The following LUZP2 variants were observed in gnomAD, a reference collection of about 807,000 sequenced individuals.
LUZP2 encodes the protein leucine zipper protein 2.
A neutral mutation model predicts 51.6 loss-of-function variants in LUZP2; 52 were observed. That is an observed-to-expected ratio of 1.01 (90% CI 0.81 to 1.27). The LOEUF is 1.27. Among genes scored for constraint, LUZP2 ranks in the 50% most tolerant of loss-of-function variants. The probability of loss-of-function intolerance (pLI) is 0.00; values close to 1 mark genes in which losing one functional copy is unlikely to be tolerated. For missense variants in LUZP2, 436 were observed against 395.4 expected (o/e 1.10, Z -0.87); for synonymous variants, 154 against 137.3 (o/e 1.12, Z -0.85).
At chr11:24,696,537 A>ATT (rs1857251562) in intron 1 of LUZP2, among the ~76,000 whole-genome samples, 1 of 152,122 alleles carries the variant, frequency 6.6e-6, no homozygotes. Flanking sequence ...ATTTCTCATT[A>ATT]CTTCATAATA....
intron 5 of LUZP2, among the ~76,000 whole-genome samples, chr11:24,773,186 T>C (rs991965094): frequency 2.6e-5 from 4 of 151,920 alleles, no homozygotes; most frequent in Non-Finnish European, 5.9e-5. Context: ...GTAATATTTA[T>C]CTGTATATTT....
At chr11:24,714,381 C>T (rs1857957323) in intron 1 of LUZP2, among the ~76,000 whole-genome samples, 2 of 152,112 alleles carry the variant, frequency 1.3e-5, no homozygotes, top group Non-Finnish European at 1.5e-5. Flanking sequence ...TTTTGAGTTG[C>T]ATTGCCTCCT....
At chr11:24,933,572 G>A (rs990159646) in intron 7 of LUZP2, among the ~76,000 whole-genome samples, 13 of 152,116 alleles carry the variant, frequency 8.5e-5, no homozygotes, top group Admixed American at 7.2e-4. Context: ...GCTTTAGTAA[G>A]GGCTTCAGAG....
chr11:24,834,217 G>C (rs992899832), intron 5 of LUZP2, among the ~76,000 whole-genome samples: 3 of 152,050 alleles, frequency 2.0e-5, no homozygotes, highest in Admixed American at 6.6e-5. Flanking sequence ...CATGCATTAG[G>C]TATTTGTCCT....
chr11:24,699,086 A>AACAC (rs67317108), intron 1 of LUZP2, among the ~76,000 whole-genome samples: 40,844 of 138,142 alleles, frequency 0.3, 6,236 homozygotes, highest in Middle Eastern at 0.39. Flanking sequence ...AAACCACAGA[A>AACAC]ACACACACAC....
At chr11:24,826,190 A>AAAAAAAAAATAT (rs1215786412) in intron 5 of LUZP2, among the ~76,000 whole-genome samples, 1 of 67,536 alleles carries the variant, frequency 1.5e-5, no homozygotes, top group African/African-American at 5.9e-5. Context: ...AAAAAAAAAA[A>AAAAAAAAAATAT]ATATATATAT....
intron 5 of LUZP2, among the ~76,000 whole-genome samples, chr11:24,784,357 GA>G (rs749392083): frequency 6.7e-6 from 1 of 150,096 alleles, no homozygotes; most frequent in Non-Finnish European, 1.5e-5. Context: ...ATGTTTTTTT[GA>G]AAAAAAATGG....
intron 1 of LUZP2, among the ~76,000 whole-genome samples, chr11:24,521,126 G>A (rs887201351): frequency 1.1e-4 from 17 of 152,226 alleles, no homozygotes; most frequent in East Asian, 3.9e-4. Context: ...CAAGGTGTGC[G>A]GATCACCTGA....
At chr11:24,913,847 A>C (rs1042014357) in intron 6 of LUZP2, among the ~76,000 whole-genome samples, 5 of 152,136 alleles carry the variant, frequency 3.3e-5, no homozygotes, top group African/African-American at 1.2e-4. Context: ...TGAAAAATTC[A>C]AAATACATGA....
intron 5 of LUZP2, chr11:24,893,040 A>T (rs1253628005): frequency 6.6e-6 from 1 of 152,182 alleles, no homozygotes; most frequent in East Asian, 1.9e-4. Flanking sequence ...CACAATGTAG[A>T]CCAAGAGGTA....
intron 5 of LUZP2, among the ~76,000 whole-genome samples, chr11:24,887,908 T>C (rs1852724931): frequency 6.6e-6 from 1 of 152,304 alleles, no homozygotes; most frequent in South Asian, 2.1e-4. Context: ...GATGCAGCGA[T>C]CTCTGGTTTT....
At chr11:24,922,266 T>G (rs914517116) in intron 7 of LUZP2, among the ~76,000 whole-genome samples, 1 of 152,144 alleles carries the variant, frequency 6.6e-6, no homozygotes, top group Admixed American at 6.5e-5. Context: ...GTGTCATCAT[T>G]GTTATTTTCT....
At chr11:24,936,462 A>T (rs1342371153) in intron 7 of LUZP2, among the ~76,000 whole-genome samples, 1 of 152,212 alleles carries the variant, frequency 6.6e-6, no homozygotes, top group Non-Finnish European at 1.5e-5. Context: ...TCTCTTACTC[A>T]ATAGAGGCTT....
Position 24,553,613 on chromosome 11 carries a change from A to C in LUZP2, c.62+56308A>C, listed in dbSNP as rs960404774. 6.6e-5 allele frequency among the ~76,000 whole-genome samples: 10 copies of C among 152,096 alleles called. No homozygotes were observed. The East Asian group carries it at 1.7e-3, about 26-fold the overall frequency. ...TCCATATAAAGCCACTTCTCAAATG[A>C]TAAGCTGATGTTTAAAATAGGACCG... On this transcript the variant is annotated intron_variant, in intron 1 of 11. Coordinates refer to ENST00000336930, the MANE Select transcript of LUZP2 (RefSeq NM_001009909.4).
intron 5 of LUZP2, among the ~76,000 whole-genome samples, chr11:24,841,707 T>A (rs1475993753): frequency 6.6e-6 from 1 of 151,962 alleles, no homozygotes; most frequent in Non-Finnish European, 1.5e-5. Context: ...TAGGAGCAAA[T>A]GTCACATACA....
chr11:24,845,032 T>C (rs1851156100), intron 5 of LUZP2, among the ~76,000 whole-genome samples: 1 of 152,054 alleles, frequency 6.6e-6, no homozygotes, highest in Non-Finnish European at 1.5e-5. Context: ...CACCACCTAG[T>C]GGAGCTGTGA....
At chr11:24,786,599 T>A in intron 5 of LUZP2, 1 of 228,788 alleles carries the variant, frequency 4.4e-6, no homozygotes, top group Non-Finnish European at 6.9e-6. Flanking sequence ...TGCATTATAT[T>A]ATATAATATT....
At chr11:24,942,361 C>A (rs572926253) in intron 7 of LUZP2, among the ~76,000 whole-genome samples, 1 of 152,104 alleles carries the variant, frequency 6.6e-6, no homozygotes. Flanking sequence ...GCTTTCCTGG[C>A]AATACTTGGT....
chr11:24,694,688 T>A (rs957900066), intron 1 of LUZP2, among the ~76,000 whole-genome samples: 3 of 151,978 alleles, frequency 2.0e-5, no homozygotes, highest in Non-Finnish European at 4.4e-5. Context: ...CCATCAGTGA[T>A]AAACTGAATA....
Sources: gnomAD v4.1 joint callset for allele counts (sites outside exome capture counted in the v4.1 genomes callset) on GRCh38, gnomAD v4.1.1 for gene constraint, MANE v1.5 for transcripts, NCBI Gene and HGNC (gene_info 2026-07-23, HGNC 2026-07-21) for gene names.